MAP2: variants seen among roughly 807,000 people sequenced by gnomAD.
The protein encoded by MAP2 is microtubule associated protein 2.
A neutral mutation model predicts 137.6 loss-of-function variants in MAP2; 14 were observed. That is an observed-to-expected ratio of 0.10 (90% confidence interval 0.07 to 0.16). MAP2 has a LOEUF of 0.16. MAP2 is among the 10% of genes least tolerant of loss of function. MAP2 has a pLI of 1.00. For synonymous variants in MAP2, 786 were observed against 782.3 expected, an observed-to-expected ratio of 1.00 and a Z score of -0.08; for missense variants, 2,088 against 2,191.5, an observed-to-expected ratio of 0.95 and a Z score of 0.94.
At chr2:209,689,829 G>A (rs2058319651) in intron 7 of MAP2, among the ~76,000 whole-genome samples, 1 of 152,124 alleles carries the variant, frequency 6.6e-6, no homozygotes, top group African/African-American at 2.4e-5. Context: ...TGTCCCAGAG[G>A]TAGACTTTTG....
intron 7 of MAP2, among the ~76,000 whole-genome samples, chr2:209,685,202 T>C (rs1397456391): frequency 6.6e-6 from 1 of 152,218 alleles, no homozygotes; most frequent in African/African-American, 2.4e-5. Context: ...TCAAGGTTCT[T>C]ACTGTGAGAC....
chr2:209,459,961 T>G (rs895140849), intron 1 of MAP2, among the ~76,000 whole-genome samples: 1 of 152,092 alleles, frequency 6.6e-6, no homozygotes, highest in East Asian at 1.9e-4. Context: ...AGCCACAACC[T>G]CTGATGAGCA....
chr2:209,513,714 C>T (rs1160356733), intron 2 of MAP2, among the ~76,000 whole-genome samples: 2 of 152,044 alleles, frequency 1.3e-5, no homozygotes, highest in Non-Finnish European at 1.5e-5. Flanking sequence ...ATTCATCTTT[C>T]ATGGCATCAA....
intron 5 of MAP2, among the ~76,000 whole-genome samples, chr2:209,677,340 A>T (rs187926932): frequency 2.0e-5 from 3 of 152,086 alleles, no homozygotes; most frequent in Non-Finnish European, 4.4e-5. Context: ...TCTATGAGAT[A>T]TATAGGTAGG....
intron 3 of MAP2, among the ~76,000 whole-genome samples, chr2:209,621,482 C>T (rs2091178137): frequency 6.6e-6 from 1 of 151,850 alleles, no homozygotes; most frequent in East Asian, 2.0e-4. Flanking sequence ...TGGTCTTGAA[C>T]TTCTGACCTC....
intron 7 of MAP2, among the ~76,000 whole-genome samples, chr2:209,683,966 T>C (rs539919154): frequency 6.6e-6 from 1 of 152,234 alleles, no homozygotes; most frequent in African/African-American, 2.4e-5. Context: ...ATATTTATTA[T>C]AATTAATGTA....
intron 2 of MAP2, among the ~76,000 whole-genome samples, chr2:209,530,205 CAG>C (rs142761367): frequency 0.028 from 4,206 of 152,124 alleles, 194 homozygotes; most frequent in African/African-American, 0.096. Context: ...GGGAGAAATG[CAG>C]AGATGGGCAT....
intron 1 of MAP2, among the ~76,000 whole-genome samples, chr2:209,425,962 C>A (rs563263286): frequency 6.6e-6 from 1 of 152,250 alleles, no homozygotes; most frequent in Admixed American, 6.5e-5. Flanking sequence ...TCCAAAAGCC[C>A]CAGCCCCATG....
At chr2:209,538,791 T>C (rs956612589) in intron 2 of MAP2, among the ~76,000 whole-genome samples, 9 of 152,180 alleles carry the variant, frequency 5.9e-5, no homozygotes, top group Non-Finnish European at 1.2e-4. Context: ...TAATAAAATC[T>C]GTCGCTGAAT....
At chr2:209,488,275 G>T (rs553626711) in intron 1 of MAP2, among the ~76,000 whole-genome samples, 35 of 152,332 alleles carry the variant, frequency 2.3e-4, no homozygotes, top group Admixed American at 9.1e-4. Context: ...TTTTCCCATG[G>T]TCTTCACAAC....
intron 2 of MAP2, among the ~76,000 whole-genome samples, chr2:209,516,667 A>G (rs1351037594): frequency 7.9e-5 from 12 of 152,182 alleles, no homozygotes; most frequent in African/African-American, 2.7e-4. Context: ...AGGCAACTTT[A>G]TAGTTGCAAA....
chr2:209,616,413 T>G (rs1401310062), intron 3 of MAP2, among the ~76,000 whole-genome samples: 1 of 145,174 alleles, frequency 6.9e-6, no homozygotes, highest in African/African-American at 2.8e-5. Context: ...AAGACCAAAT[T>G]TGATTAATTC....
In MAP2 at chr2:209,577,928, A is replaced by G. The variant is rs772654559; in HGVS notation, c.-171-2108A>G. 9.9e-5 allele frequency among the ~76,000 whole-genome samples: 15 copies of G among 152,226 alleles called. 1 individual carries two copies. Among genetic ancestry groups the G allele is most frequent in the Non-Finnish European group, 2.2e-4 (15 of 68,042 alleles). Reference sequence around the variant, plus strand: ...ACCTCAAATACAATCCAGCACAGATATTTGCAAAAGTCTTCAGAATGATTG... The same window carrying G: ...ACCTCAAATACAATCCAGCACAGATGTTTGCAAAAGTCTTCAGAATGATTG... On this transcript the variant is annotated intron_variant, in intron 2 of 15. Transcript: ENST00000682079.
chr2:209,721,676 T>C (rs965218644), intron 13 of MAP2, among the ~76,000 whole-genome samples: 2 of 152,214 alleles, frequency 1.3e-5, no homozygotes, highest in Non-Finnish European at 2.9e-5. Context: ...ATGCAACTGA[T>C]TTTAGAATTT....
At chr2:209,715,425 C>T (rs905606802) in intron 13 of MAP2, among the ~76,000 whole-genome samples, 1 of 151,760 alleles carries the variant, frequency 6.6e-6, no homozygotes, top group African/African-American at 2.4e-5. Context: ...GTTCTACATA[C>T]TGAAATATAA....
At chr2:209,575,125 G>C (rs2075093804) in intron 2 of MAP2, among the ~76,000 whole-genome samples, 1 of 152,148 alleles carries the variant, frequency 6.6e-6, no homozygotes, top group African/African-American at 2.4e-5. Flanking sequence ...ATAGCCCCAT[G>C]CTAGGTACTT....
At chr2:209,722,184 A>C (rs1454114956) in intron 13 of MAP2, among the ~76,000 whole-genome samples, 1 of 152,212 alleles carries the variant, frequency 6.6e-6, no homozygotes, top group Non-Finnish European at 1.5e-5. Flanking sequence ...TTAAATTGCA[A>C]CTTTTATTAT....
chr2:209,441,341 A>G (rs1372874870), intron 1 of MAP2, among the ~76,000 whole-genome samples: 4 of 151,590 alleles, frequency 2.6e-5, no homozygotes, highest in Admixed American at 1.3e-4. Flanking sequence ...GTCTTAATTC[A>G]TCAGGCGTAT....
chr2:209,676,769 ATATC>A (rs1559535189), intron 5 of MAP2, among the ~76,000 whole-genome samples: 1 of 94,178 alleles, frequency 1.1e-5, no homozygotes, highest in Non-Finnish European at 2.1e-5. Context: ...ATATATATAT[ATATC>A]TCCCAATTTC....
Sources: allele counts gnomAD v4.1 joint callset (sites outside exome capture counted in the v4.1 genomes callset), GRCh38; gene constraint gnomAD v4.1.1; transcripts MANE v1.5; gene names NCBI Gene and HGNC (gene_info 2026-07-23, HGNC 2026-07-21).